The following CFAP58 variants were observed in gnomAD, a reference collection of about 807,000 sequenced individuals.
CFAP58 encodes cilia- and flagella-associated protein 58.
In CFAP58, 88 loss-of-function variants were observed where a neutral mutation model predicts 119.5. The ratio of observed to expected loss-of-function variants is 0.74; its 90% CI spans 0.62 to 0.88. The LOEUF (loss-of-function observed/expected upper bound fraction) is 0.88. CFAP58 is among the 40% of genes least tolerant of loss of function. The pLI, the probability that CFAP58 is intolerant of heterozygous loss-of-function variation, is 0.00. For missense variants in CFAP58, 990 were observed against 1,021.2 expected, an observed-to-expected ratio of 0.97 and a Z score of 0.42; for synonymous variants, 365 against 366.3, an observed-to-expected ratio of 1.00 and a Z score of 0.04.
chr10:104,403,202 G>GAAT (rs2012296746), intron 13 of CFAP58, among the ~76,000 whole-genome samples: 1 of 152,132 alleles, frequency 6.6e-6, no homozygotes, highest in Non-Finnish European at 1.5e-5. Context: ...GTGATGTAGT[G>GAAT]AATAAGTCTC....
chr10:104,340,464 AGTT>A, the CFAP58 span, among the ~76,000 whole-genome samples: 1 of 152,230 alleles, frequency 6.6e-6, no homozygotes, highest in South Asian at 2.1e-4. Flanking sequence ...CAGAACAGGC[AGTT>A]ACTCCTTCAG....
At chr10:104,447,153 C>T (rs1235111933) in intron 15 of CFAP58, among the ~76,000 whole-genome samples, 2 of 151,278 alleles carry the variant, frequency 1.3e-5, no homozygotes, top group African/African-American at 4.9e-5. Context: ...AAATGTCTGG[C>T]TAATTTTTGT....
intron 15 of CFAP58, among the ~76,000 whole-genome samples, chr10:104,408,563 C>G (rs2012403445): frequency 6.6e-6 from 1 of 152,162 alleles, no homozygotes; most frequent in African/African-American, 2.4e-5. Flanking sequence ...CTTTCTACTT[C>G]CTTGTGTGTT....
chr10:104,399,629 C>T, intron 12 of CFAP58, 129 bp downstream of exon 12: 1 of 926,798 alleles, frequency 1.1e-6, no homozygotes, highest in Non-Finnish European at 1.6e-6. Flanking sequence ...AGCAGAGACC[C>T]ATCTTGTGTT....
At chr10:104,399,747 C>A (rs890366057) in intron 12 of CFAP58, among the ~76,000 whole-genome samples, 2 of 152,114 alleles carry the variant, frequency 1.3e-5, no homozygotes, top group African/African-American at 4.8e-5. Context: ...CAATAAGGTT[C>A]ATCCTCAAGG....
At position 104,365,951 on chromosome 10, in the gene CFAP58, T is replaced by C. The variant is rs1211245245; in HGVS notation, c.735T>C (p.Tyr245=). Residue 245 remains tyrosine, a synonymous_variant, in exon 5 of 18, where the codon TAT becomes TAC. Coordinates refer to ENST00000369704, the MANE Select transcript of CFAP58 (RefSeq NM_001008723.2). ...RQTEIKALQQ[Y]VQKSKEELQK... is the part of the protein sequence containing the mutation. Reference sequence around the variant, plus strand: ...CAGAAATAAAAGCCCTGCAGCAGTATGTGCAGAAGAGCAAGGAGGAGCTTC... The same window carrying C: ...CAGAAATAAAAGCCCTGCAGCAGTACGTGCAGAAGAGCAAGGAGGAGCTTC... The C allele has an allele frequency of 1.2e-6, 2 of 1,612,076 alleles. No homozygotes were observed. The highest frequency in any genetic ancestry group is 2.2e-5 in the East Asian group (1 of 44,746).
intron 15 of CFAP58, among the ~76,000 whole-genome samples, chr10:104,430,931 G>A (rs1224942389): frequency 6.6e-6 from 1 of 152,212 alleles, no homozygotes; most frequent in African/African-American, 2.4e-5. Flanking sequence ...TATCTGCCAT[G>A]TATTAACATT....
Position 104,393,372 on chromosome 10 carries a change from A to T in CFAP58, c.1571A>T (p.His524Leu). 6.2e-7 allele frequency: 1 copy of T among 1,614,044 alleles called. No individual in the cohort carries two copies. Among genetic ancestry groups the T allele is most frequent in the Non-Finnish European group, 8.5e-7 (1 of 1,179,878 alleles). Residue 524 changes from histidine to leucine, a missense_variant, in exon 11 of 18, where the codon CAT becomes CTT. By Grantham distance (99) the His-to-Leu change is moderately conservative (BLOSUM62 -3). Coordinates refer to ENST00000369704, the MANE Select transcript of CFAP58 (RefSeq NM_001008723.2). The part of the protein sequence containing the change: ...DMKRKLKIMI[H>L]QVDELKEDIS... ...AAGAGAAAGTTAAAGATTATGATCCATCAGGTAGATGAGCTGAAAGAAGAC... is the reference window on the plus strand; with the variant it reads ...AAGAGAAAGTTAAAGATTATGATCCTTCAGGTAGATGAGCTGAAAGAAGAC...
chr10:104,387,459 C>T (rs533808849), intron 9 of CFAP58, among the ~76,000 whole-genome samples: 260 of 152,340 alleles, frequency 1.7e-3, no homozygotes, highest in Middle Eastern at 6.8e-3. Flanking sequence ...TAGCGAGTCA[C>T]ATGGCCAAGG....
intron 13 of CFAP58, among the ~76,000 whole-genome samples, chr10:104,403,511 CT>C (rs572839157): frequency 8.3e-4 from 111 of 133,102 alleles, no homozygotes; most frequent in East Asian, 2.4e-3. Context: ...AGCCCTGGCA[CT>C]TTTTTTTTTT....
intron 15 of CFAP58, among the ~76,000 whole-genome samples, chr10:104,437,251 T>A (rs1435490089): frequency 2.0e-5 from 3 of 152,260 alleles, no homozygotes; most frequent in Non-Finnish European, 2.9e-5. Context: ...ATACCTGATC[T>A]AAAAGTGAGA....
At chr10:104,380,248 G>T (rs2011758251) in intron 9 of CFAP58, 28 bp downstream of exon 9, 1 of 1,588,640 alleles carries the variant, frequency 6.3e-7, no homozygotes, top group African/African-American at 1.3e-5. Flanking sequence ...GTTGTGGGTG[G>T]AGCAGAGGCA....
At chr10:104,418,900 T>C (rs906488988) in intron 15 of CFAP58, among the ~76,000 whole-genome samples, 8 of 152,182 alleles carry the variant, frequency 5.3e-5, no homozygotes, top group African/African-American at 1.9e-4. Context: ...AGAGGTACAG[T>C]GTAAGATGAA....
At chr10:104,428,327 G>A (rs2012785351) in intron 15 of CFAP58, among the ~76,000 whole-genome samples, 1 of 152,134 alleles carries the variant, frequency 6.6e-6, no homozygotes, top group African/African-American at 2.4e-5. Context: ...GCAGCCAAGG[G>A]CCCCAAAGGG....
At position 104,400,890 on chromosome 10, in the gene CFAP58, G is replaced by A; in HGVS notation, c.2026G>A (p.Val676Ile). 6.2e-7 allele frequency: 1 copy of A among 1,613,788 alleles called. No homozygotes were observed. ...KGILARSMANVEELRQEFFHM... is the reference protein window; with the variant it reads ...KGILARSMANIEELRQEFFHM... The stretch of plus-strand genomic sequence containing the variant: ...GATTCTTGCCAGGAGTATGGCTAAT[G>A]TTGAAGAACTCAGGTAATAGATTAT... The change falls in exon 13 of 18, where the codon GTT (valine) becomes ATT (isoleucine). Residue 676 changes from valine (V) to isoleucine (I), a missense_variant. Coordinates refer to ENST00000369704, the MANE Select transcript of CFAP58 (RefSeq NM_001008723.2).
intron 15 of CFAP58, among the ~76,000 whole-genome samples, chr10:104,407,155 C>T (rs2012376160): frequency 1.3e-5 from 2 of 152,320 alleles, no homozygotes; most frequent in South Asian, 4.1e-4. Context: ...TAAGCTTTCT[C>T]ATAGAGCACA....
intron 15 of CFAP58, 44 bp from the exon 16 acceptor site, chr10:104,447,654 T>C (rs370966547): frequency 3.7e-6 from 6 of 1,606,304 alleles, no homozygotes; most frequent in Non-Finnish European, 4.3e-6. Context: ...TTCCCTGTTT[T>C]GACGGGGCTG....
chr10:104,428,411 GA>G (rs2012786976), intron 15 of CFAP58, among the ~76,000 whole-genome samples: 1 of 151,906 alleles, frequency 6.6e-6, no homozygotes, highest in South Asian at 2.1e-4. Flanking sequence ...ACATTGGAGG[GA>G]AAAAAATGTA....
intron 7 of CFAP58, among the ~76,000 whole-genome samples, chr10:104,376,390 A>G (rs1041183964): frequency 4.6e-5 from 7 of 151,556 alleles, no homozygotes; most frequent in African/African-American, 1.5e-4. Context: ...CTGTAGTCCC[A>G]GCTGCTCGAG....
Sources: allele counts gnomAD v4.1 joint callset (sites outside exome capture counted in the v4.1 genomes callset), GRCh38; gene constraint gnomAD v4.1.1; transcripts MANE v1.5; gene names NCBI Gene and HGNC (gene_info 2026-07-23, HGNC 2026-07-21).